Variants in RAD51B observed in about 807,000 individuals in gnomAD.
RAD51B encodes the protein RAD51 paralog B.
RAD51B carries 38 observed loss-of-function variants against 42.2 expected under a neutral mutation model. The observed-to-expected ratio is 0.90, with a 90% CI of 0.70 to 1.18. The LOEUF (loss-of-function observed/expected upper bound fraction) is 1.18. Ranked by LOEUF, RAD51B falls within the 50% of genes most tolerant of loss-of-function variation. RAD51B has a pLI of 0.00. For synonymous variants in RAD51B, 154 were observed against 145.2 expected, an observed-to-expected ratio of 1.06 and a Z score of -0.43; for missense variants, 373 against 400.7, an observed-to-expected ratio of 0.93 and a Z score of 0.59.
intron 8 of RAD51B, among the ~76,000 whole-genome samples, chr14:68,322,944 A>G (rs547288405): frequency 5.9e-5 from 9 of 152,182 alleles, no homozygotes; most frequent in Non-Finnish European, 1.3e-4. Flanking sequence ...GGACAGTTAG[A>G]TGTTTGTTAG....
chr14:68,167,216 T>A (rs764259641), intron 7 of RAD51B, among the ~76,000 whole-genome samples: 2 of 152,176 alleles, frequency 1.3e-5, no homozygotes, highest in Non-Finnish European at 2.9e-5. Flanking sequence ...AATCCTCTTA[T>A]GACCTCTGTT....
intron 11 of RAD51B, among the ~76,000 whole-genome samples, chr14:68,656,723 C>G (rs914939666): frequency 1.3e-5 from 2 of 152,178 alleles, no homozygotes; most frequent in Non-Finnish European, 2.9e-5. Context: ...GGTCCCCCAC[C>G]CCTGAGAGGA....
chr14:68,385,807 G>A (rs1278094900), intron 8 of RAD51B, among the ~76,000 whole-genome samples: 2 of 152,160 alleles, frequency 1.3e-5, no homozygotes, highest in East Asian at 3.8e-4. Context: ...AAAATGATAT[G>A]CTAATTTTAT....
At chr14:68,199,106 A>G (rs567252424) in intron 7 of RAD51B, among the ~76,000 whole-genome samples, 1 of 152,140 alleles carries the variant, frequency 6.6e-6, no homozygotes, top group African/African-American at 2.4e-5. Flanking sequence ...TATTCCTCGC[A>G]TGACATGATT....
intron 7 of RAD51B, among the ~76,000 whole-genome samples, chr14:68,084,299 C>T (rs2076954410): frequency 6.6e-6 from 1 of 152,146 alleles, no homozygotes; most frequent in South Asian, 2.1e-4. Context: ...CATCCTAATC[C>T]TGTGACATTT....
At chr14:68,252,634 T>G (rs1266056413) in intron 7 of RAD51B, among the ~76,000 whole-genome samples, 3 of 152,220 alleles carry the variant, frequency 2.0e-5, no homozygotes, top group Non-Finnish European at 2.9e-5. Flanking sequence ...AAAATACACT[T>G]TATTCTTTTT....
At chr14:68,535,679 G>A (rs1362515751) in intron 10 of RAD51B, among the ~76,000 whole-genome samples, 1 of 152,132 alleles carries the variant, frequency 6.6e-6, no homozygotes, top group Non-Finnish European at 1.5e-5. Flanking sequence ...CTCATACTAT[G>A]AAGTGGAAAA....
Position 68,629,729 on chromosome 14 carries a change from C to T in RAD51B, c.1037-21052C>T, listed in dbSNP as rs74464907. Among the ~76,000 whole-genome samples, 242 of 152,274 alleles carry T rather than the reference C, an allele frequency of 1.6e-3. 1 individual carries two copies. Among genetic ancestry groups the T allele is most frequent in the African/African-American group, 5.6e-3 (231 of 41,544 alleles). On this transcript the variant is annotated intron_variant, in intron 10 of 11. Transcript: ENST00000488612. ...GGTAGTTTGTTATAAATCCCAGGGT[C>T]GGACTTACATTCCCCAGCTGCAAAA...
chr14:67,980,054 A>G (rs2075062463), intron 7 of RAD51B, among the ~76,000 whole-genome samples: 1 of 152,230 alleles, frequency 6.6e-6, no homozygotes, highest in African/African-American at 2.4e-5. Flanking sequence ...TCTTTGAAAT[A>G]GAGAAACAGG....
At chr14:67,993,056 A>G (rs957496201) in intron 7 of RAD51B, among the ~76,000 whole-genome samples, 2 of 152,132 alleles carry the variant, frequency 1.3e-5, no homozygotes, top group Non-Finnish European at 2.9e-5. Context: ...CATTTCTTCT[A>G]ATCATCCAAG....
chr14:68,442,845 A>T (rs960055574), intron 9 of RAD51B, among the ~76,000 whole-genome samples: 2 of 152,156 alleles, frequency 1.3e-5, no homozygotes, highest in African/African-American at 4.8e-5. Flanking sequence ...GAGGCTGTGA[A>T]AAGTTAAGTA....
At chr14:68,566,258 A>T (rs1889414263) in intron 10 of RAD51B, among the ~76,000 whole-genome samples, 1 of 152,208 alleles carries the variant, frequency 6.6e-6, no homozygotes, top group Non-Finnish European at 1.5e-5. Context: ...ATGACTGCTG[A>T]CTGGTTTCCC....
intron 9 of RAD51B, among the ~76,000 whole-genome samples, chr14:68,443,147 G>C (rs2085341555): frequency 6.6e-6 from 1 of 152,188 alleles, no homozygotes; most frequent in South Asian, 2.1e-4. Context: ...AAAATCCCAG[G>C]GCTGGAAACA....
chr14:68,033,347 C>T (rs898603179), intron 7 of RAD51B, among the ~76,000 whole-genome samples: 116 of 152,222 alleles, frequency 7.6e-4, no homozygotes, highest in African/African-American at 2.7e-3. Context: ...TCTTATTTTT[C>T]TATCTTCACA....
intron 7 of RAD51B, among the ~76,000 whole-genome samples, chr14:68,041,176 T>C (rs1460118645): frequency 2.0e-5 from 3 of 152,192 alleles, no homozygotes; most frequent in Admixed American, 6.5e-5. Flanking sequence ...TGTTCTGCCA[T>C]GTGAAGATGT....
intron 11 of RAD51B, among the ~76,000 whole-genome samples, chr14:68,652,427 G>A (rs1340920869): frequency 6.6e-6 from 1 of 152,164 alleles, no homozygotes; most frequent in Non-Finnish European, 1.5e-5. Flanking sequence ...AAGCCTGGAC[G>A]GCCCCCTCCC....
At chr14:68,562,072 AGTCCATAACT>A in intron 10 of RAD51B, 1 of 985,362 alleles carries the variant, frequency 1.0e-6, no homozygotes, top group Non-Finnish European at 1.2e-6. Context: ...TAATTTGGAG[AGTCCATAACT>A]GTCCTAGAAA....
At chr14:67,965,948 G>A (rs1002001251) in intron 7 of RAD51B, among the ~76,000 whole-genome samples, 1 of 152,136 alleles carries the variant, frequency 6.6e-6, no homozygotes, top group African/African-American at 2.4e-5. Flanking sequence ...AAACCAGGAA[G>A]AAGGACTCAA....
At chr14:68,444,546 T>C (rs2085377954) in intron 9 of RAD51B, among the ~76,000 whole-genome samples, 1 of 152,070 alleles carries the variant, frequency 6.6e-6, no homozygotes, top group African/African-American at 2.4e-5. Context: ...AGTGTTTTAT[T>C]TTAGAGGGAT....
Sources: gnomAD v4.1 joint callset for allele counts (sites outside exome capture counted in the v4.1 genomes callset) on GRCh38, gnomAD v4.1.1 for gene constraint, MANE v1.5 for transcripts, NCBI Gene and HGNC (gene_info 2026-07-23, HGNC 2026-07-21) for gene names.